The following CRPPA variants were observed in gnomAD, a reference collection of about 807,000 sequenced individuals.
CRPPA encodes the protein CDP-L-ribitol pyrophosphorylase A.
CRPPA carries 43 observed loss-of-function variants against 52.0 expected under a neutral mutation model. That is an observed-to-expected ratio of 0.83 (90% CI 0.65 to 1.07). The LOEUF (loss-of-function observed/expected upper bound fraction) is 1.07, where lower values mean the gene tolerates loss of function less well. Ranked by LOEUF, CRPPA falls within the 50% of genes least tolerant of loss-of-function variation. The pLI is 0.00. For missense variants in CRPPA, 629 were observed against 551.7 expected, an observed-to-expected ratio of 1.14 and a Z score of -1.40; for synonymous variants, 250 against 203.5, an observed-to-expected ratio of 1.23 and a Z score of -1.94.
chr7:16,337,765 C>T (rs1785723829), intron 3 of CRPPA, among the ~76,000 whole-genome samples: 1 of 152,004 alleles, frequency 6.6e-6, no homozygotes, highest in African/African-American at 2.4e-5. Context: ...ATCAGATAAC[C>T]TAGCAAAAAA....
At chr7:16,185,554 T>C (rs990031229) in intron 9 of CRPPA, among the ~76,000 whole-genome samples, 2 of 152,218 alleles carry the variant, frequency 1.3e-5, no homozygotes, top group African/African-American at 4.8e-5. Flanking sequence ...GTGTGGCTCC[T>C]GCCTGGCTTC....
At chr7:16,101,192 C>G (rs534971409) in intron 9 of CRPPA, among the ~76,000 whole-genome samples, 2 of 152,222 alleles carry the variant, frequency 1.3e-5, no homozygotes, top group East Asian at 3.9e-4. Context: ...AGGAATCTCT[C>G]TTTTTCTATT....
At chr7:16,239,300 T>C (rs1438748458) in intron 8 of CRPPA, among the ~76,000 whole-genome samples, 2 of 152,004 alleles carry the variant, frequency 1.3e-5, no homozygotes, top group Non-Finnish European at 2.9e-5. Flanking sequence ...ATCTTAACTC[T>C]AGATTTGGTA....
Position 16,089,222 on chromosome 7 carries a change from G to C in CRPPA, c.*2473C>G, listed in dbSNP as rs571223519. On this transcript the variant is annotated 3_prime_UTR_variant, in exon 10 of 10. Transcript: ENST00000407010. ...TATATACGTACGTATATACATATATGTGTGTATGCGTACGTATATACATAT... is the reference window on the plus strand; with the variant it reads ...TATATACGTACGTATATACATATATCTGTGTATGCGTACGTATATACATAT... 2 of 370,694 alleles carry C rather than the reference G, an allele frequency of 5.4e-6. No individual in the cohort carries two copies. Among genetic ancestry groups the C allele is most frequent in the Non-Finnish European group, 1.2e-5 (2 of 168,848 alleles). 23.0% of individuals were successfully genotyped at this position (370,694 alleles called of 1,614,324 possible).
At chr7:16,397,022 G>C (rs1036812747) in intron 2 of CRPPA, among the ~76,000 whole-genome samples, 2 of 150,554 alleles carry the variant, frequency 1.3e-5, no homozygotes, top group Non-Finnish European at 2.9e-5. Context: ...TGTGAAACAT[G>C]TGCCAGAACA....
chr7:16,169,838 C>T (rs1156306709), intron 9 of CRPPA, among the ~76,000 whole-genome samples: 1 of 152,090 alleles, frequency 6.6e-6, no homozygotes, highest in East Asian at 1.9e-4. Context: ...GAAAACAATT[C>T]CCCTTAGATC....
chr7:16,373,562 G>T (rs897919782), intron 3 of CRPPA, among the ~76,000 whole-genome samples: 13 of 152,170 alleles, frequency 8.5e-5, no homozygotes, highest in African/African-American at 2.9e-4. Context: ...TTATTCAATT[G>T]TAAGTCTGAT....
At chr7:16,128,700 T>A (rs150281546) in intron 9 of CRPPA, among the ~76,000 whole-genome samples, 2 of 152,226 alleles carry the variant, frequency 1.3e-5, no homozygotes, top group African/African-American at 2.4e-5. Context: ...GTTGGCCAGA[T>A]GGAAAAATTT....
chr7:16,411,897 A>G (rs1788084468), intron 1 of CRPPA, among the ~76,000 whole-genome samples: 1 of 152,208 alleles, frequency 6.6e-6, no homozygotes, highest in South Asian at 2.1e-4. Context: ...CCAGAAAAAA[A>G]TGGTTAAACT....
intron 8 of CRPPA, among the ~76,000 whole-genome samples, chr7:16,218,054 A>C (rs1438852656): frequency 4.6e-5 from 7 of 151,820 alleles, no homozygotes; most frequent in South Asian, 4.2e-4. Context: ...AGGTCGGGTT[A>C]CCCTCAAAGG....
intron 5 of CRPPA, among the ~76,000 whole-genome samples, chr7:16,283,670 C>T (rs141876252): frequency 6.6e-6 from 1 of 151,418 alleles, no homozygotes; most frequent in East Asian, 1.9e-4. Context: ...TTCTGTGTGG[C>T]AATAGGAGGA....
intron 2 of CRPPA, among the ~76,000 whole-genome samples, chr7:16,399,672 CGCATGACCAGTGACACGTGAG>C (rs1787742353): frequency 1.3e-5 from 2 of 151,762 alleles, no homozygotes; most frequent in African/African-American, 4.8e-5. Context: ...ACGTGGCCGA[CGCATGACCAGTGACACGTGAG>C]CAACACGTGA....
intron 9 of CRPPA, among the ~76,000 whole-genome samples, chr7:16,139,441 T>C (rs931207535): frequency 3.3e-5 from 5 of 152,174 alleles, no homozygotes; most frequent in African/African-American, 1.2e-4. Context: ...TTATGACTGA[T>C]TCATTTGATA....
chr7:16,156,330 G>C (rs987967637), intron 9 of CRPPA, among the ~76,000 whole-genome samples: 1 of 152,114 alleles, frequency 6.6e-6, no homozygotes, highest in African/African-American at 2.4e-5. Flanking sequence ...GTCAATTTTT[G>C]TGTCTGGTAC....
chr7:16,290,722 C>T (rs889469654), intron 5 of CRPPA, among the ~76,000 whole-genome samples: 2 of 152,004 alleles, frequency 1.3e-5, no homozygotes, highest in African/African-American at 4.8e-5. Flanking sequence ...TGCTTCAGGA[C>T]ATTGGTGTCA....
intron 9 of CRPPA, among the ~76,000 whole-genome samples, chr7:16,174,431 C>T (rs1781252899): frequency 6.6e-6 from 1 of 152,118 alleles, no homozygotes; most frequent in Admixed American, 6.5e-5. Flanking sequence ...ACGAGATTGG[C>T]TGTATTCTAA....
chr7:16,293,234 G>A (rs995224043), intron 5 of CRPPA, among the ~76,000 whole-genome samples: 15 of 151,780 alleles, frequency 9.9e-5, no homozygotes, highest in African/African-American at 3.1e-4. Flanking sequence ...TTCTTCCATC[G>A]AGCCTCATGG....
chr7:16,261,988 T>C (rs1407166301), intron 6 of CRPPA: 1 of 152,158 alleles, frequency 6.6e-6, no homozygotes, highest in Non-Finnish European at 1.5e-5. Flanking sequence ...TTGGAATGAA[T>C]ACTGTAGATA....
chr7:16,330,108 C>T (rs1785513088), intron 3 of CRPPA, among the ~76,000 whole-genome samples: 1 of 152,184 alleles, frequency 6.6e-6, no homozygotes, highest in Non-Finnish European at 1.5e-5. Context: ...TCATTCATTA[C>T]ATAGCACACA....
Sources: allele counts gnomAD v4.1 joint callset (sites outside exome capture counted in the v4.1 genomes callset), GRCh38; gene constraint gnomAD v4.1.1; transcripts MANE v1.5; gene names NCBI Gene and HGNC (gene_info 2026-07-23, HGNC 2026-07-21).